The following GNPNAT1 variants were observed in gnomAD, a reference collection of about 807,000 sequenced individuals.
The protein encoded by GNPNAT1 is glucosamine 6-phosphate N-acetyltransferase.
In GNPNAT1, 11 loss-of-function variants were observed where a neutral mutation model predicts 19.8. That is an observed-to-expected ratio of 0.56 (90% CI 0.35 to 0.92). The LOEUF (loss-of-function observed/expected upper bound fraction) is 0.92. GNPNAT1 is among the 40% of genes least tolerant of loss of function. The probability of loss-of-function intolerance (pLI) is 0.01; values close to 1 mark genes in which losing one functional copy is unlikely to be tolerated. For synonymous variants in GNPNAT1, 71 were observed against 72.3 expected (o/e 0.98, Z 0.09); for missense variants, 157 against 211.0 (o/e 0.74, Z 1.59).
rs1424505648 is a variant in GNPNAT1 at position 52,777,569 on chromosome 14, T to C, written c.*742A>G. On this transcript the variant is annotated 3_prime_UTR_variant, in exon 6 of 6. Coordinates refer to ENST00000216410, the MANE Select transcript of GNPNAT1 (RefSeq NM_198066.4). ...TAGGCTGAGGTTTGCTAATTCACTG[T>C]TTACAGAGGACCTTAGATGTCCCAC... The C allele has an allele frequency of 3.3e-5, 5 of 152,188 alleles. No homozygotes were observed. Among genetic ancestry groups the C allele is most frequent in the African/African-American group, 4.8e-5 (2 of 41,466 alleles). The allele number at this position is 152,188 out of a possible 1,614,324, so 9.4% of individuals were successfully genotyped here.
chr14:52,780,412 T>C (rs917824795), intron 5 of GNPNAT1, among the ~76,000 whole-genome samples: 12 of 152,154 alleles, frequency 7.9e-5, no homozygotes, highest in African/African-American at 2.9e-4. Context: ...CCCAAAAGTT[T>C]ATCTCCTACT....
chr14:52,781,290 C>G (rs1391853169), intron 4 of GNPNAT1, among the ~76,000 whole-genome samples: 4 of 152,014 alleles, frequency 2.6e-5, no homozygotes, highest in African/African-American at 9.7e-5. Context: ...GAAACCCCAC[C>G]GAAATTCCTA....
rs1036161842 is a variant in GNPNAT1, at chr14:52,775,598, C to G, written c.*2713G>C. The G allele has an allele frequency of 5.3e-5, 8 of 152,006 alleles. No homozygotes were observed. Among genetic ancestry groups the G allele is most frequent in the Non-Finnish European group, 1.2e-4 (8 of 68,010 alleles). 9.4% of individuals were successfully genotyped at this position (152,006 alleles called of 1,614,324 possible). A position where few individuals can be genotyped will look rare whatever the true frequency, so the allele number is the denominator to read the frequency against. ...TACCTTTTCACAAGCAAATAGTGGC[C>G]AAAGATGTGAACGGCCAGACACGGT... On this transcript the variant is annotated 3_prime_UTR_variant, in exon 6 of 6. Coordinates refer to ENST00000216410, the MANE Select transcript of GNPNAT1 (RefSeq NM_198066.4).
rs1338865329 is a variant in GNPNAT1, at chr14:52,777,092, A to G, written c.*1219T>C. On this transcript the variant is annotated 3_prime_UTR_variant, in exon 6 of 6. Transcript: ENST00000216410. ...AGCTGGCTGCATGGAGGGAAATCCAAAATCCAGATGACGTGGTGTGAGTCA... is the reference window on the plus strand; with the variant it reads ...AGCTGGCTGCATGGAGGGAAATCCAGAATCCAGATGACGTGGTGTGAGTCA... 1 of 152,312 alleles carries G rather than the reference A, an allele frequency of 6.6e-6. No individual in the cohort carries two copies. Among genetic ancestry groups the G allele is most frequent in the Admixed American group, 6.5e-5 (1 of 15,294 alleles). The allele number at this position is 152,312 out of a possible 1,614,324, so 9.4% of individuals were successfully genotyped here.
intron 2 of GNPNAT1, among the ~76,000 whole-genome samples, chr14:52,784,201 A>AG (rs1882957941): frequency 6.6e-6 from 1 of 152,204 alleles, no homozygotes; most frequent in South Asian, 2.1e-4. Flanking sequence ...CAGCTTCTTA[A>AG]GATCCCTCCT....
At position 52,778,423 on chromosome 14, in the gene GNPNAT1, A is replaced by C; in HGVS notation, c.443T>G (p.Leu148Arg). ...TTCAAGGGTAATCTTGTAACAGTTC[A>C]GTTTCTTGCTTAGCAAAGTAAGGGT... ...LSTLTLLSKKLNCYKITLECL... is the reference protein window; with the variant it reads ...LSTLTLLSKKRNCYKITLECL... Residue 148 changes from leucine to arginine, a missense_variant, in exon 6 of 6, where the codon CTG (leucine) becomes CGG (arginine). By Grantham distance (102) the Leu-to-Arg change is moderately radical (BLOSUM62 -2). Coordinates refer to ENST00000216410, the MANE Select transcript of GNPNAT1 (RefSeq NM_198066.4). 5 of 1,609,470 alleles carry C rather than the reference A, an allele frequency of 3.1e-6. No individual in the cohort carries two copies. Among genetic ancestry groups the C allele is most frequent in the Non-Finnish European group, 4.2e-6 (5 of 1,178,594 alleles).
chr14:52,789,088 C>A (rs1487534608), intron 1 of GNPNAT1, among the ~76,000 whole-genome samples: 2 of 152,164 alleles, frequency 1.3e-5, no homozygotes, highest in Non-Finnish European at 2.9e-5. Context: ...GGTTAGAGTG[C>A]CAATAAGAAC....
At position 52,778,796 on chromosome 14, in the gene GNPNAT1, C is replaced by T. The variant is rs538897028; in HGVS notation, c.408-338G>A. Among the ~76,000 whole-genome samples the T allele has an allele frequency of 7.9e-5, 12 of 152,168 alleles. No homozygotes were observed. In the East Asian group the frequency reaches 1.9e-3, roughly 24 times the overall value. On this transcript the variant is annotated intron_variant, in intron 5 of 5. Transcript: ENST00000216410. The stretch of plus-strand genomic sequence containing the variant: ...ACTCTGGGAAGCCGAGGCAGGCGAT[C>T]GCTAGAGCCCAGGGGTTTGACACCA...
At chr14:52,785,218 G>A (rs1273850918) in intron 1 of GNPNAT1, among the ~76,000 whole-genome samples, 1 of 151,666 alleles carries the variant, frequency 6.6e-6, no homozygotes, top group African/African-American at 2.4e-5. Flanking sequence ...GTGAGCCACT[G>A]CGCCCGGCTA....
At chr14:52,783,737 T>C (rs948601407) in intron 2 of GNPNAT1, among the ~76,000 whole-genome samples, 4 of 152,146 alleles carry the variant, frequency 2.6e-5, no homozygotes, top group African/African-American at 9.6e-5. Flanking sequence ...CCAGTATTTA[T>C]AGACCCAGAA....
Position 52,781,803 on chromosome 14 carries a change from A to T in GNPNAT1, c.326T>A (p.Phe109Tyr), listed in dbSNP as rs1882900295. 6.2e-7 allele frequency: 1 copy of T among 1,604,178 alleles called. No individual in the cohort carries two copies. Among genetic ancestry groups the T allele is most frequent in the Non-Finnish European group, 8.5e-7 (1 of 1,177,310 alleles). ...ACATACCTTAGCACAGGAATGGATG[A>T]ATTTATGTTCTATAATCAGAGTTGC... The part of the protein sequence containing the change: ...ATATLIIEHK[F>Y]IHSCAKRGRV... The change falls in exon 4 of 6, where the codon TTC (phenylalanine) becomes TAC (tyrosine). Residue 109 changes from phenylalanine to tyrosine, a missense_variant. Physicochemically the swap from Phe to Tyr is conservative, Grantham distance 22 (BLOSUM62 3). Coordinates refer to ENST00000216410, the MANE Select transcript of GNPNAT1 (RefSeq NM_198066.4).
rs768600258 is a variant in GNPNAT1 at position 52,781,769 on chromosome 14, A to G, written c.345+15T>C. ...TAGAAAACAGCTGTCCATTTTATTT[A>G]TAAGCAGCACATACCTTAGCACAGG... On this transcript the variant is annotated intron_variant, in intron 4 of 5. Coordinates refer to ENST00000216410, the MANE Select transcript of GNPNAT1 (RefSeq NM_198066.4). 1.3e-6 allele frequency: 2 copies of G among 1,569,790 alleles called. No individual in the cohort carries two copies. The highest frequency in any genetic ancestry group is 2.0e-5 in the Admixed American group (1 of 48,948).
At chr14:52,780,772 G>A (rs374339421) in intron 4 of GNPNAT1, 32 bp from the exon 5 acceptor site, 10 of 1,347,148 alleles carry the variant, frequency 7.4e-6, no homozygotes, top group Non-Finnish European at 1.1e-6. Context: ...AAAGGAGTAA[G>A]CATTTACTTT....
chr14:52,781,523 G>C (rs1027619608), intron 4 of GNPNAT1, among the ~76,000 whole-genome samples: 3 of 151,872 alleles, frequency 2.0e-5, no homozygotes, highest in Non-Finnish European at 4.4e-5. Flanking sequence ...TTTTAAAAGA[G>C]TAACATTAGG....
chr14:52,778,026 A>G lies in GNPNAT1; in HGVS notation c.*285T>C, dbSNP rs999190882. Reference sequence around the variant, plus strand: ...CCATACTCTTGACTACCAAGAAAGGAAGCCAAACTTTTAGAAAAATACAAT... The same window carrying G: ...CCATACTCTTGACTACCAAGAAAGGGAGCCAAACTTTTAGAAAAATACAAT... On this transcript the variant is annotated 3_prime_UTR_variant, in exon 6 of 6. Transcript: ENST00000216410. 1 of 199,302 alleles carries G rather than the reference A, an allele frequency of 5.0e-6. No homozygotes were observed. The highest frequency in any genetic ancestry group is 1.0e-5 in the Non-Finnish European group (1 of 100,272). The allele number at this position is 199,302 out of a possible 1,614,324, so 12.3% of individuals were successfully genotyped here.
intron 3 of GNPNAT1, among the ~76,000 whole-genome samples, 158 bp downstream of exon 3, chr14:52,783,265 C>A (rs564540674): frequency 6.6e-6 from 1 of 152,168 alleles, no homozygotes; most frequent in South Asian, 2.1e-4. Flanking sequence ...GATTCTAGAA[C>A]AACTCAGCCA....
rs1200743245 is a variant in GNPNAT1, at chr14:52,775,435, CAG to C, written c.*2874_*2875del. The stretch of plus-strand genomic sequence containing the variant: ...CATTATTTTAGGCACCACTAAAAGA[CAG>C]TGTATTGCTAACAAAACTATGATAA... On this transcript the variant is annotated 3_prime_UTR_variant, in exon 6 of 6. Transcript: ENST00000216410. 1.3e-5 allele frequency: 2 copies of C among 152,192 alleles called. No homozygotes were observed. The highest frequency in any genetic ancestry group is 2.4e-5 in the African/African-American group (1 of 41,442). 9.4% of individuals were successfully genotyped at this position (152,192 alleles called of 1,614,324 possible).
chr14:52,790,422 TAA>T (rs1387792011), intron 1 of GNPNAT1, among the ~76,000 whole-genome samples: 2 of 152,230 alleles, frequency 1.3e-5, no homozygotes, highest in Admixed American at 6.5e-5. Flanking sequence ...TCTATTCCGT[TAA>T]AGATTTTTAA....
rs149134599 is a variant in GNPNAT1 at position 52,778,527 on chromosome 14, A to G, written c.408-69T>C. The G allele has an allele frequency of 4.9e-4, 649 of 1,315,304 alleles. 2 individuals carry two copies. The African/African-American group carries it at 8.4e-3, about 17-fold the overall frequency. The allele number at this position is 1,315,304 out of a possible 1,614,324, so 81.5% of individuals were successfully genotyped here. On this transcript the variant is annotated intron_variant, in intron 5 of 5. Coordinates refer to ENST00000216410, the MANE Select transcript of GNPNAT1 (RefSeq NM_198066.4). ...AATAAAAATTGATTCTAGTAACAAT[A>G]TGAATTAATGTTATAAAACTTAAGT...
Sources: gnomAD v4.1 joint callset for allele counts (sites outside exome capture counted in the v4.1 genomes callset) on GRCh38, gnomAD v4.1.1 for gene constraint, MANE v1.5 for transcripts, NCBI Gene and HGNC (gene_info 2026-07-23, HGNC 2026-07-21) for gene names.